TP63: variants seen among roughly 807,000 people sequenced by gnomAD.
TP63 encodes the protein tumor protein p63, also known as tumor protein 63.
In TP63, 17 loss-of-function variants were observed where a neutral mutation model predicts 82.8. The observed-to-expected ratio is 0.21, with a 90% CI of 0.14 to 0.31. The LOEUF is 0.31. Ranked by LOEUF, TP63 falls within the 10% of genes least tolerant of loss-of-function variation. TP63 has a pLI of 1.00. For missense variants in TP63, 648 were observed against 895.3 expected, an observed-to-expected ratio of 0.72 and a Z score of 3.52; for synonymous variants, 330 against 321.7, an observed-to-expected ratio of 1.03 and a Z score of -0.28.
the TP63 span, among the ~76,000 whole-genome samples, chr3:189,621,080 G>A: frequency 2.0e-5 from 3 of 152,116 alleles, no homozygotes; most frequent in African/African-American, 7.2e-5. Flanking sequence ...GCTTCTCCAG[G>A]AAAGTATTTG....
intron 10 of TP63, chr3:189,880,259 G>A (rs1719768477): frequency 6.7e-7 from 1 of 1,491,236 alleles, no homozygotes; most frequent in African/African-American, 1.4e-5. Context: ...GTGTGTGCGT[G>A]TGTATCTAGC....
chr3:189,738,607 A>C (rs762218197), intron 2 of TP63, 35 bp from the exon 3 acceptor site: 1 of 1,614,040 alleles, frequency 6.2e-7, no homozygotes, highest in Admixed American at 1.7e-5. Flanking sequence ...GTCCCTTTCC[A>C]TGCCTAACTC....
chr3:189,597,245 A>C, the TP63 span, among the ~76,000 whole-genome samples: 7 of 152,200 alleles, frequency 4.6e-5, no homozygotes, highest in Non-Finnish European at 7.3e-5. Flanking sequence ...CTTGGTAAGT[A>C]CTCAGTTTTC....
chr3:189,776,071 A>T (rs973444068), intron 3 of TP63, among the ~76,000 whole-genome samples: 1 of 152,216 alleles, frequency 6.6e-6, no homozygotes, highest in Non-Finnish European at 1.5e-5. Context: ...CCTAGGCAAC[A>T]TAGCAAGACC....
At chr3:189,689,040 A>C (rs1462153550) in intron 1 of TP63, among the ~76,000 whole-genome samples, 2 of 145,480 alleles carry the variant, frequency 1.4e-5, no homozygotes, top group African/African-American at 5.1e-5. Context: ...ATCTTCCACC[A>C]TACTCTTCTA....
chr3:189,632,976 C>T (rs1729553064), intron 1 of TP63, among the ~76,000 whole-genome samples: 1 of 152,060 alleles, frequency 6.6e-6, no homozygotes, highest in Non-Finnish European at 1.5e-5. Context: ...GAGGGCATCT[C>T]TCCTAAACTA....
chr3:189,741,505 C>T (rs1301732392), intron 3 of TP63, among the ~76,000 whole-genome samples: 4 of 152,110 alleles, frequency 2.6e-5, no homozygotes, highest in African/African-American at 4.8e-5. Flanking sequence ...CTCTTTTCCA[C>T]GTATAGGTTA....
the TP63 span, among the ~76,000 whole-genome samples, chr3:189,602,946 G>T: frequency 3.9e-5 from 6 of 152,152 alleles, no homozygotes; most frequent in Non-Finnish European, 5.9e-5. Context: ...CCCAGGTTAA[G>T]AATTCATTTA....
At chr3:189,848,798 T>C (rs1334856856) in intron 4 of TP63, among the ~76,000 whole-genome samples, 1 of 152,200 alleles carries the variant, frequency 6.6e-6, no homozygotes, top group African/African-American at 2.4e-5. Context: ...CTCTGTGATA[T>C]CATGAAATAC....
intron 8 of TP63, 90 bp from the exon 9 acceptor site, chr3:189,869,234 A>G: frequency 1.0e-6 from 1 of 984,630 alleles, no homozygotes; most frequent in Non-Finnish European, 1.6e-6. Flanking sequence ...AAATCTGATT[A>G]ACATTAATAT....
At chr3:189,817,001 T>TG (rs35406510) in intron 4 of TP63, among the ~76,000 whole-genome samples, 80,015 of 148,414 alleles carry the variant, frequency 0.54, 22,862 homozygotes, top group Admixed American at 0.69. Context: ...AAGATTCATG[T>TG]GGGGGAAAAA....
In TP63 at chr3:189,660,241, G is replaced by A. The variant is rs904066476; in HGVS notation, c.62+28664G>A. 2.6e-5 allele frequency among the ~76,000 whole-genome samples: 4 copies of A among 152,068 alleles called. No individual in the cohort carries two copies. In the East Asian group the frequency reaches 7.7e-4, roughly 29 times the overall value. On this transcript the variant is annotated intron_variant, in intron 1 of 13. Transcript: ENST00000264731. ...TATTTGTTTATGATGAAAGGTAGGG[G>A]GTCCAGTTTCATCTTCTGCATATTG...
chr3:189,837,199 G>A (rs1713280235), intron 4 of TP63, among the ~76,000 whole-genome samples: 1 of 145,556 alleles, frequency 6.9e-6, no homozygotes, highest in Admixed American at 7.4e-5. Context: ...TACTTCCTCT[G>A]TTCAAAACAT....
chr3:189,785,497 G>C (rs1284121121), intron 3 of TP63, among the ~76,000 whole-genome samples: 1 of 152,034 alleles, frequency 6.6e-6, no homozygotes, highest in Non-Finnish European at 1.5e-5. Context: ...TAAAATAAGA[G>C]AAGGTTTAAC....
chr3:189,667,240 T>G (rs1714480881), intron 1 of TP63, among the ~76,000 whole-genome samples: 1 of 143,118 alleles, frequency 7.0e-6, no homozygotes, highest in South Asian at 2.2e-4. Context: ...AGTGGTGCAA[T>G]CTCTACTCAC....
intron 4 of TP63, among the ~76,000 whole-genome samples, chr3:189,809,742 G>T (rs1406987141): frequency 6.6e-6 from 1 of 152,108 alleles, no homozygotes; most frequent in South Asian, 2.1e-4. Flanking sequence ...AAAATGATCG[G>T]CATGCCTAAG....
intron 1 of TP63, among the ~76,000 whole-genome samples, chr3:189,695,382 T>A (rs1717298346): frequency 6.6e-6 from 1 of 152,184 alleles, no homozygotes; most frequent in African/African-American, 2.4e-5. Flanking sequence ...TTTTCTTTAA[T>A]TTGTGGTGCT....
the TP63 span, among the ~76,000 whole-genome samples, chr3:189,598,645 G>A: frequency 6.6e-6 from 1 of 152,202 alleles, no homozygotes; most frequent in Non-Finnish European, 1.5e-5. Flanking sequence ...GATAACAGAA[G>A]TAAACCACTA....
At chr3:189,880,927 T>C in intron 10 of TP63, 1 of 985,400 alleles carries the variant, frequency 1.0e-6, no homozygotes, top group South Asian at 4.7e-5. Flanking sequence ...CTGGAAGACC[T>C]ACTACAAAAA....
Sources: gnomAD v4.1 joint callset for allele counts (sites outside exome capture counted in the v4.1 genomes callset) on GRCh38, gnomAD v4.1.1 for gene constraint, MANE v1.5 for transcripts, NCBI Gene and HGNC (gene_info 2026-07-23, HGNC 2026-07-21) for gene names.